Variants in SPMIP2 observed in about 807,000 individuals in gnomAD.
SPMIP2 encodes the protein sperm microtubule inner protein 2, also known as protein SPMIP2.
chr4:159,028,421 C>T, the SPMIP2 span, among the ~76,000 whole-genome samples: 2 of 152,100 alleles, frequency 1.3e-5, no homozygotes, highest in African/African-American at 2.4e-5. Flanking sequence ...GCCTCGACCT[C>T]CCAGGCCCAA....
chr4:158,989,637 T>A, the SPMIP2 span, among the ~76,000 whole-genome samples: 1 of 152,188 alleles, frequency 6.6e-6, no homozygotes, highest in African/African-American at 2.4e-5. Context: ...GGGAAAGGAT[T>A]CCCTATTTAA....
At chr4:159,072,168 G>C in the SPMIP2 span, among the ~76,000 whole-genome samples, 1 of 152,120 alleles carries the variant, frequency 6.6e-6, no homozygotes. Flanking sequence ...ACAGAAATTA[G>C]CTAGGTGTTG....
the SPMIP2 span, chr4:158,904,440 T>C: frequency 1.4e-5 from 22 of 1,565,922 alleles, no homozygotes; most frequent in Non-Finnish European, 1.9e-5. Context: ...TTTAAAGTAA[T>C]ATTCTTTTCT....
At chr4:158,928,089 C>T in the SPMIP2 span, among the ~76,000 whole-genome samples, 8 of 152,326 alleles carry the variant, frequency 5.3e-5, no homozygotes, top group South Asian at 2.1e-4. Context: ...GGAGTGCAGG[C>T]GCAAGGCACG....
At chr4:158,907,091 A>G in the SPMIP2 span, 1 of 152,216 alleles carries the variant, frequency 6.6e-6, no homozygotes, top group African/African-American at 2.4e-5. Context: ...GGCATGACAG[A>G]GCAGAAGTCT....
chr4:158,925,139 T>C, the SPMIP2 span, among the ~76,000 whole-genome samples: 1 of 152,250 alleles, frequency 6.6e-6, no homozygotes, highest in Non-Finnish European at 1.5e-5. Context: ...AAATGTTTGC[T>C]AGAATTTACC....
chr4:158,928,739 G>T, the SPMIP2 span, among the ~76,000 whole-genome samples: 1 of 152,070 alleles, frequency 6.6e-6, no homozygotes, highest in African/African-American at 2.4e-5. Flanking sequence ...CAGTCTTTGG[G>T]TCCACGCTGC....
chr4:158,896,722 T>C, the SPMIP2 span, among the ~76,000 whole-genome samples: 2 of 152,218 alleles, frequency 1.3e-5, no homozygotes, highest in South Asian at 4.1e-4. Context: ...TACAAAGTAT[T>C]TCCCCCTTAT....
At chr4:159,071,367 A>G in the SPMIP2 span, among the ~76,000 whole-genome samples, 2 of 152,212 alleles carry the variant, frequency 1.3e-5, no homozygotes, top group South Asian at 4.1e-4. Flanking sequence ...AAAGTTGTCC[A>G]GAGTGAGCTT....
chr4:158,967,114 C>T, the SPMIP2 span, among the ~76,000 whole-genome samples: 1 of 152,070 alleles, frequency 6.6e-6, no homozygotes, highest in Non-Finnish European at 1.5e-5. Flanking sequence ...AAGGAAGCAT[C>T]AAACATAAAA....
At chr4:159,039,822 G>A in the SPMIP2 span, among the ~76,000 whole-genome samples, 1 of 152,244 alleles carries the variant, frequency 6.6e-6, no homozygotes, top group East Asian at 1.9e-4. Context: ...CTAATTCAGA[G>A]TTGATAACCA....
the SPMIP2 span, among the ~76,000 whole-genome samples, chr4:159,050,822 A>G: frequency 1.3e-5 from 2 of 151,738 alleles, no homozygotes; most frequent in East Asian, 1.9e-4. Context: ...ATAAAAAAAA[A>G]TCTTGGCCAG....
the SPMIP2 span, among the ~76,000 whole-genome samples, chr4:158,965,958 A>G: frequency 1.3e-5 from 2 of 152,224 alleles, no homozygotes; most frequent in South Asian, 2.1e-4. Flanking sequence ...TCAGACCTCA[A>G]ATTGCTTAAA....
the SPMIP2 span, among the ~76,000 whole-genome samples, chr4:159,071,165 C>T: frequency 6.6e-6 from 1 of 152,090 alleles, no homozygotes; most frequent in African/African-American, 2.4e-5. Flanking sequence ...GCTGCTAACT[C>T]GTTTGCATGC....
the SPMIP2 span, among the ~76,000 whole-genome samples, chr4:158,950,660 C>A: frequency 2.0e-5 from 3 of 152,102 alleles, no homozygotes; most frequent in Admixed American, 6.6e-5. Flanking sequence ...CTTTGGGAGA[C>A]CGAGGCAGGT....
At chr4:159,052,140 G>A in the SPMIP2 span, among the ~76,000 whole-genome samples, 1 of 152,210 alleles carries the variant, frequency 6.6e-6, no homozygotes, top group Non-Finnish European at 1.5e-5. Context: ...TCCAGGCCAA[G>A]TACATAGAGC....
chr4:158,974,018 T>C, the SPMIP2 span, among the ~76,000 whole-genome samples: 1 of 143,256 alleles, frequency 7.0e-6, no homozygotes, highest in African/African-American at 2.6e-5. Flanking sequence ...ACATGATATA[T>C]ACTAAAATTT....
the SPMIP2 span, among the ~76,000 whole-genome samples, chr4:158,972,193 C>A: frequency 6.6e-6 from 1 of 152,182 alleles, no homozygotes; most frequent in Non-Finnish European, 1.5e-5. Flanking sequence ...GAAACCCCAT[C>A]TCTACTAAAA....
chr4:158,925,889 T>C, the SPMIP2 span, among the ~76,000 whole-genome samples: 1 of 152,228 alleles, frequency 6.6e-6, no homozygotes, highest in African/African-American at 2.4e-5. Context: ...GCAGATTTAG[T>C]GTCTAGTAAA....
Sources: allele counts gnomAD v4.1 joint callset (sites outside exome capture counted in the v4.1 genomes callset), GRCh38; gene constraint gnomAD v4.1.1; transcripts MANE v1.5; gene names NCBI Gene and HGNC (gene_info 2026-07-23, HGNC 2026-07-21).